Variants in RBFOX1 observed in about 807,000 individuals in gnomAD.
RBFOX1 encodes the protein RNA binding protein fox-1 homolog 1.
In RBFOX1, 8 loss-of-function variants were observed where a neutral mutation model predicts 57.7. The observed-to-expected ratio is 0.14, with a 90% CI of 0.08 to 0.25. The LOEUF is 0.25. Ranked by LOEUF, RBFOX1 falls within the 10% of genes least tolerant of loss-of-function variation. RBFOX1 has a pLI of 1.00. For synonymous variants in RBFOX1, 326 were observed against 222.4 expected, an observed-to-expected ratio of 1.47 and a Z score of -4.15; for missense variants, 611 against 548.5, an observed-to-expected ratio of 1.11 and a Z score of -1.14.
intron 1 of RBFOX1, among the ~76,000 whole-genome samples, chr16:6,261,906 G>A (rs1191560796): frequency 1.3e-5 from 2 of 151,726 alleles, no homozygotes; most frequent in South Asian, 2.1e-4. Flanking sequence ...GGCACACATC[G>A]ATAATCCCAG....
chr16:6,746,931 C>T (rs760604127), intron 3 of RBFOX1, among the ~76,000 whole-genome samples: 1 of 152,078 alleles, frequency 6.6e-6, no homozygotes, highest in Non-Finnish European at 1.5e-5. Flanking sequence ...GAGACTTCAG[C>T]AGGTGTCTCA....
chr16:5,460,847 A>C (rs564637), intron 1 of RBFOX1, among the ~76,000 whole-genome samples: 17,802 of 152,220 alleles, frequency 0.12, 3,009 homozygotes, highest in African/African-American at 0.37. Flanking sequence ...ATCCCATTGC[A>C]GGAGCGGAGC....
At chr16:5,911,038 C>G (rs1162393492) in intron 4 of RBFOX1, among the ~76,000 whole-genome samples, 1 of 152,144 alleles carries the variant, frequency 6.6e-6, no homozygotes, top group East Asian at 1.9e-4. Flanking sequence ...TAATCATACC[C>G]CAAATAAACT....
chr16:7,444,920 G>A (rs1187613286), intron 4 of RBFOX1, among the ~76,000 whole-genome samples: 1 of 152,108 alleles, frequency 6.6e-6, no homozygotes, highest in East Asian at 1.9e-4. Context: ...AGCTTACCAT[G>A]AATTCTAAGT....
intron 4 of RBFOX1, among the ~76,000 whole-genome samples, chr16:7,176,595 C>A (rs74341966): frequency 1.3e-5 from 2 of 152,042 alleles, no homozygotes; most frequent in Non-Finnish European, 2.9e-5. Context: ...TGTGCTACAA[C>A]GACACAGATG....
At chr16:5,823,355 C>G (rs1296374365) in intron 3 of RBFOX1, among the ~76,000 whole-genome samples, 2 of 152,164 alleles carry the variant, frequency 1.3e-5, no homozygotes, top group African/African-American at 4.8e-5. Flanking sequence ...AGGGGTAGCT[C>G]CTGCCTCTTG....
chr16:5,659,805 C>T (rs887782549), intron 3 of RBFOX1, among the ~76,000 whole-genome samples: 5 of 152,126 alleles, frequency 3.3e-5, no homozygotes, highest in Non-Finnish European at 5.9e-5. Flanking sequence ...GTGGCTTTGT[C>T]ATCAGTCAAA....
At chr16:7,524,480 A>T (rs17676059) in intron 5 of RBFOX1, among the ~76,000 whole-genome samples, 1 of 152,124 alleles carries the variant, frequency 6.6e-6, no homozygotes, top group African/African-American at 2.4e-5. Context: ...CTGACAAGGT[A>T]TTTTACTCTT....
At chr16:5,744,328 G>A (rs74565662) in intron 3 of RBFOX1, among the ~76,000 whole-genome samples, 3 of 152,264 alleles carry the variant, frequency 2.0e-5, no homozygotes, top group Non-Finnish European at 2.9e-5. Flanking sequence ...CGCTCTGACT[G>A]CCTTGTGTTT....
At chr16:6,697,925 T>A (rs1199952551) in intron 3 of RBFOX1, among the ~76,000 whole-genome samples, 2 of 152,198 alleles carry the variant, frequency 1.3e-5, no homozygotes, top group East Asian at 1.9e-4. Flanking sequence ...TCTCTTTTTT[T>A]AAAACATCTG....
rs1432620355 is a variant in RBFOX1, at chr16:7,140,150, TTCTCTCCCTC to T, written c.27+88059_27+88068del. ...TCATTCTCATTCTCTTATTCTCTCC[TTCTCTCCCTC>T]TCTCTCTCTCTCTCTCTCTCTCTCT... On this transcript the variant is annotated intron_variant, in intron 4 of 15. Transcript: ENST00000550418. 3.0e-3 allele frequency among the ~76,000 whole-genome samples: 160 copies of T among 52,616 alleles called. 2 individuals are homozygous for T. Among genetic ancestry groups the T allele is most frequent in the African/African-American group, 0.012 (146 of 11,876 alleles). The allele number at this position is 52,616 out of a possible 152,430, so 34.5% of individuals were successfully genotyped here.
Position 6,226,835 on chromosome 16 carries a change from C to T in RBFOX1, c.-126-90160C>T, listed in dbSNP as rs113613937. Among the ~76,000 whole-genome samples the T allele has an allele frequency of 6.7e-3, 1,008 of 151,130 alleles. 19 individuals carry two copies. Among genetic ancestry groups the T allele is most frequent in the African/African-American group, 0.023 (954 of 41,140 alleles). ...TTAAAATGATAATATTGTGGCTGGACATAGTGCCACACACCTGTAATCTCA... is the reference window on the plus strand; with the variant it reads ...TTAAAATGATAATATTGTGGCTGGATATAGTGCCACACACCTGTAATCTCA... On this transcript the variant is annotated intron_variant, in intron 1 of 15. Transcript: ENST00000550418.
chr16:5,464,337 A>G (rs1053854592), intron 1 of RBFOX1, among the ~76,000 whole-genome samples: 2 of 152,244 alleles, frequency 1.3e-5, no homozygotes, highest in Non-Finnish European at 2.9e-5. Flanking sequence ...CTTGGAGGGC[A>G]AAGGGCAGAC....
At chr16:5,661,674 T>G (rs549207913) in intron 3 of RBFOX1, among the ~76,000 whole-genome samples, 2 of 152,262 alleles carry the variant, frequency 1.3e-5, no homozygotes, top group Non-Finnish European at 2.9e-5. Flanking sequence ...AGTTAGTTAC[T>G]ATTGTGTATG....
intron 2 of RBFOX1, among the ~76,000 whole-genome samples, chr16:6,447,953 C>A (rs1232072281): frequency 6.9e-6 from 1 of 145,008 alleles, no homozygotes. Flanking sequence ...ATCTGTGTTA[C>A]AATAACAAGA....
chr16:5,851,920 G>A (rs745882716), intron 3 of RBFOX1, among the ~76,000 whole-genome samples: 11 of 152,212 alleles, frequency 7.2e-5, no homozygotes, highest in Non-Finnish European at 1.3e-4. Context: ...GAGAGCAGAG[G>A]CTCCATCATT....
chr16:5,398,567 C>CTTGTGT (rs370820042), intron 1 of RBFOX1, among the ~76,000 whole-genome samples: 7 of 148,800 alleles, frequency 4.7e-5, no homozygotes, highest in African/African-American at 1.2e-4. Context: ...TGCATCTGTA[C>CTTGTGT]GTGTGTGTGT....
At chr16:6,382,132 T>C (rs1333709276) in intron 2 of RBFOX1, among the ~76,000 whole-genome samples, 2 of 152,224 alleles carry the variant, frequency 1.3e-5, no homozygotes, top group Admixed American at 6.5e-5. Context: ...TGCAGAAATT[T>C]GAATTTCCCA....
At chr16:5,365,470 C>G (rs1021671516) in intron 1 of RBFOX1, among the ~76,000 whole-genome samples, 63 of 152,256 alleles carry the variant, frequency 4.1e-4, no homozygotes, top group African/African-American at 1.0e-3. Flanking sequence ...GAGTTTGAGA[C>G]CAGCCTGGCC....
Sources: allele counts gnomAD v4.1 joint callset (sites outside exome capture counted in the v4.1 genomes callset), GRCh38; gene constraint gnomAD v4.1.1; transcripts MANE v1.5; gene names NCBI Gene and HGNC (gene_info 2026-07-23, HGNC 2026-07-21).